ECT2: variants seen among roughly 807,000 people sequenced by gnomAD.
ECT2 encodes the protein protein ECT2.
Under a neutral mutation model 116.9 loss-of-function variants are expected in ECT2, and 61 were observed. That is an observed-to-expected ratio of 0.52 (90% confidence interval 0.42 to 0.65). ECT2 has a LOEUF of 0.65. ECT2 is among the 30% of genes least tolerant of loss of function. The probability of loss-of-function intolerance (pLI) is 0.00; values close to 1 mark genes in which losing one functional copy is unlikely to be tolerated. For missense variants in ECT2, 937 were observed against 1,078.7 expected, an observed-to-expected ratio of 0.87 and a Z score of 1.84; for synonymous variants, 358 against 346.4, an observed-to-expected ratio of 1.03 and a Z score of -0.37.
intron 18 of ECT2, among the ~76,000 whole-genome samples, chr3:172,789,014 C>T (rs999895697): frequency 1.4e-5 from 2 of 146,510 alleles, no homozygotes; most frequent in African/African-American, 5.0e-5. Flanking sequence ...GCTGAGATTG[C>T]GCCATTGCAC....
intron 22 of ECT2, among the ~76,000 whole-genome samples, chr3:172,813,790 G>A (rs975378215): frequency 6.6e-6 from 1 of 151,914 alleles, no homozygotes; most frequent in Non-Finnish European, 1.5e-5. Context: ...ATTAATTGTG[G>A]TATAATCAGA....
At position 172,797,018 on chromosome 3, in the gene ECT2, CTGTG is replaced by C. The variant is rs57188529; in HGVS notation, c.1908-5566_1908-5563del. On this transcript the variant is annotated intron_variant, in intron 18 of 24. Coordinates refer to ENST00000392692, the MANE Select transcript of ECT2 (RefSeq NM_001258315.2). ...TCTCAGATTCATATATCAGGTTCAA[CTGTG>C]TGTGTGTGTGTGTGTGTGTGTGTGT... 4.6e-4 allele frequency among the ~76,000 whole-genome samples: 64 copies of C among 139,124 alleles called. 1 individual carries two copies. Among genetic ancestry groups the C allele is most frequent in the African/African-American group, 7.5e-4 (28 of 37,144 alleles). 91.3% of individuals were successfully genotyped at this position (139,124 alleles called of 152,430 possible). A position where few individuals can be genotyped will look rare whatever the true frequency, so the allele number is the denominator to read the frequency against.
At chr3:172,789,686 C>G (rs1403214191) in intron 18 of ECT2, among the ~76,000 whole-genome samples, 1 of 152,218 alleles carries the variant, frequency 6.6e-6, no homozygotes, top group African/African-American at 2.4e-5. Flanking sequence ...CTGTAGTATT[C>G]TAAATCCTTT....
intron 21 of ECT2, 50 bp downstream of exon 21, chr3:172,805,919 T>C (rs1430724612): frequency 3.2e-6 from 5 of 1,572,786 alleles, no homozygotes; most frequent in Admixed American, 1.8e-5. Context: ...TTTATATTCA[T>C]TGTAGGTTTA....
intron 22 of ECT2, among the ~76,000 whole-genome samples, chr3:172,814,041 A>G (rs1047072374): frequency 9.2e-5 from 14 of 152,112 alleles, no homozygotes; most frequent in African/African-American, 3.4e-4. Context: ...AATTGAAACA[A>G]TATTGACATT....
In ECT2 at chr3:172,769,055, C is replaced by G; in HGVS notation, c.1340C>G (p.Pro447Arg). ...TCTTCTAAAAGCTCCACTCCAGTTC[C>G]TTCAAAGCAGTCAGCAAGGTGGCAA... The part of the protein sequence containing the change: ...TKSSKSSTPV[P>R]SKQSARWQVA... The change falls in exon 13 of 25, where the codon CCT becomes CGT. Residue 447 changes from proline (P) to arginine (R), a missense_variant. Transcript: ENST00000392692. 6.2e-7 allele frequency: 1 copy of G among 1,613,534 alleles called. No individual in the cohort carries two copies. The highest frequency in any genetic ancestry group is 8.5e-7 in the Non-Finnish European group (1 of 1,179,632).
chr3:172,754,758 C>A, intron 2 of ECT2, 98 bp downstream of exon 2: 1 of 868,956 alleles, frequency 1.2e-6, no homozygotes, highest in Non-Finnish European at 1.7e-6. Flanking sequence ...AACTGTAATG[C>A]TAGAGCACAG....
chr3:172,792,523 TTTTA>T (rs1724871271), intron 18 of ECT2, among the ~76,000 whole-genome samples: 1 of 151,942 alleles, frequency 6.6e-6, no homozygotes, highest in African/African-American at 2.4e-5. Flanking sequence ...CAATAGTTAC[TTTTA>T]TTTTCCATTG....
chr3:172,811,468 G>A (rs1728758719), intron 22 of ECT2, among the ~76,000 whole-genome samples: 1 of 152,110 alleles, frequency 6.6e-6, no homozygotes, highest in Admixed American at 6.6e-5. Flanking sequence ...GAATCTTCTA[G>A]AAAGGTAAAA....
At chr3:172,812,378 T>G (rs1197042164) in intron 22 of ECT2, among the ~76,000 whole-genome samples, 1 of 152,252 alleles carries the variant, frequency 6.6e-6, no homozygotes, top group Admixed American at 6.5e-5. Context: ...TAAGCTGTTT[T>G]GTAAATAGGT....
chr3:172,816,884 G>A (rs142532137), intron 24 of ECT2, 47 bp downstream of exon 24: 1 of 1,389,356 alleles, frequency 7.2e-7, no homozygotes, highest in African/African-American at 1.5e-5. Context: ...TTATGAAGTT[G>A]TTATGGAATT....
chr3:172,752,680 C>T (rs1716135084), intron 1 of ECT2, among the ~76,000 whole-genome samples: 1 of 152,166 alleles, frequency 6.6e-6, no homozygotes, highest in South Asian at 2.1e-4. Context: ...TAATGATTGA[C>T]ATGGATGTAT....
chr3:172,795,409 C>G (rs1240649233), intron 18 of ECT2, among the ~76,000 whole-genome samples: 1 of 151,378 alleles, frequency 6.6e-6, no homozygotes, highest in Admixed American at 6.6e-5. Context: ...ATGTTTGTTG[C>G]TGCTAAATGT....
At chr3:172,802,819 GA>G in intron 19 of ECT2, 41 bp from the exon 20 acceptor site, 14 of 1,576,912 alleles carry the variant, frequency 8.9e-6, no homozygotes, top group Non-Finnish European at 1.2e-5. Context: ...AAAATTACTT[GA>G]TACCAAGTGA....
At chr3:172,798,353 C>T (rs772738648) in intron 18 of ECT2, among the ~76,000 whole-genome samples, 1 of 151,978 alleles carries the variant, frequency 6.6e-6, no homozygotes, top group Non-Finnish European at 1.5e-5. Flanking sequence ...TTTTGTCATC[C>T]GGTTAGGGTT....
At chr3:172,766,596 G>A (rs1719439250) in intron 12 of ECT2, among the ~76,000 whole-genome samples, 1 of 152,176 alleles carries the variant, frequency 6.6e-6, no homozygotes, top group Admixed American at 6.5e-5. Flanking sequence ...AATATTGGTA[G>A]AATAAAGCAA....
chr3:172,771,618 A>G lies in ECT2; in HGVS notation c.1429-2285A>G, dbSNP rs148611446. On this transcript the variant is annotated intron_variant, in intron 13 of 24. Coordinates refer to ENST00000392692, the MANE Select transcript of ECT2 (RefSeq NM_001258315.2). ...TGGTGTGCTATATTATCTAAGCTAT[A>G]GAATAATTTTTTTATGAGACGAGAG... 2.7e-3 allele frequency among the ~76,000 whole-genome samples: 406 copies of G among 152,314 alleles called. 2 individuals are homozygous for G. Among genetic ancestry groups the G allele is most frequent in the African/African-American group, 9.2e-3 (382 of 41,564 alleles).
At chr3:172,799,098 C>T (rs1231810246) in intron 18 of ECT2, among the ~76,000 whole-genome samples, 1 of 152,080 alleles carries the variant, frequency 6.6e-6, no homozygotes, top group African/African-American at 2.4e-5. Flanking sequence ...TGTAATACAC[C>T]TGTTGTTAGA....
chr3:172,758,091 C>T (rs967305791), intron 5 of ECT2, among the ~76,000 whole-genome samples: 12 of 152,212 alleles, frequency 7.9e-5, no homozygotes, highest in African/African-American at 2.6e-4. Flanking sequence ...AACTCTTGAC[C>T]TCACGTTATC....
Sources: gnomAD v4.1 joint callset for allele counts (sites outside exome capture counted in the v4.1 genomes callset) on GRCh38, gnomAD v4.1.1 for gene constraint, MANE v1.5 for transcripts, NCBI Gene and HGNC (gene_info 2026-07-23, HGNC 2026-07-21) for gene names.